Variants in AGPAT4 observed in about 807,000 individuals in gnomAD.
The protein encoded by AGPAT4 is 1-acylglycerol-3-phosphate O-acyltransferase 4, also known as 1-acyl-sn-glycerol-3-phosphate acyltransferase delta.
A neutral mutation model predicts 48.0 loss-of-function variants in AGPAT4; 15 were observed. That is an observed-to-expected ratio of 0.31 (90% CI 0.21 to 0.48). The LOEUF is 0.48. Ranked by LOEUF, AGPAT4 falls within the 20% of genes least tolerant of loss-of-function variation. AGPAT4 has a pLI of 0.99. For synonymous variants in AGPAT4, 178 were observed against 198.7 expected, an observed-to-expected ratio of 0.90 and a Z score of 0.88; for missense variants, 314 against 482.5, an observed-to-expected ratio of 0.65 and a Z score of 3.27.
At chr6:161,191,302 C>T (rs904626874) in intron 2 of AGPAT4, among the ~76,000 whole-genome samples, 2 of 152,228 alleles carry the variant, frequency 1.3e-5, no homozygotes, top group Non-Finnish European at 2.9e-5. Context: ...ATCCCACACT[C>T]TAACCCACTG....
At chr6:161,194,536 ATGTG>A (rs994267021) in intron 2 of AGPAT4, among the ~76,000 whole-genome samples, 4 of 149,472 alleles carry the variant, frequency 2.7e-5, no homozygotes, top group African/African-American at 5.0e-5. Flanking sequence ...CTGTGTGTCT[ATGTG>A]TGTATGTGTA....
At position 161,166,906 on chromosome 6, in the gene AGPAT4, G is replaced by A. The variant is rs1175581820; in HGVS notation, c.179-489C>T. Among the ~76,000 whole-genome samples, 2 of 152,212 alleles carry A rather than the reference G, an allele frequency of 1.3e-5. No homozygotes were observed. Among genetic ancestry groups the A allele is most frequent in the Non-Finnish European group, 2.9e-5 (2 of 68,048 alleles). ...ATGGAGAACGGCAGATCCAGCCGCAGGAGCCCCAGCACCTGCAGGGCAGCG... is the reference window on the plus strand; with the variant it reads ...ATGGAGAACGGCAGATCCAGCCGCAAGAGCCCCAGCACCTGCAGGGCAGCG... On this transcript the variant is annotated intron_variant, in intron 2 of 8. Coordinates refer to ENST00000320285, the MANE Select transcript of AGPAT4 (RefSeq NM_020133.3). The surrounding 1 kb of genome is among the most constrained non-coding windows in gnomAD (Gnocchi z 6.7).
In AGPAT4 at chr6:161,159,590, T is replaced by A. The variant is rs1779862351; in HGVS notation, c.349-5280A>T. Among the ~76,000 whole-genome samples the A allele has an allele frequency of 6.6e-6, 1 of 151,980 alleles. No individual in the cohort carries two copies. The highest frequency in any genetic ancestry group is 2.4e-5 in the African/African-American group (1 of 41,368). On this transcript the variant is annotated intron_variant, in intron 3 of 8. Coordinates refer to ENST00000320285, the MANE Select transcript of AGPAT4 (RefSeq NM_020133.3). The surrounding 1 kb of genome is among the most constrained non-coding windows in gnomAD (Gnocchi z 4.1). ...AAAGACTGGAGCTCAAAATAATGAA[T>A]CAGTTTGTGTGCACGCGTGCGTGTG...
rs148578804 is a variant in AGPAT4, at chr6:161,195,874, G to C, written c.179-29457C>G. Reference sequence around the variant, plus strand: ...GCTGATTGTCTAGCGTTGGCATTAGGGCAAGTCTTGAATGTGAATGTTCTC... The same window carrying C: ...GCTGATTGTCTAGCGTTGGCATTAGCGCAAGTCTTGAATGTGAATGTTCTC... On this transcript the variant is annotated intron_variant, in intron 2 of 8. Coordinates refer to ENST00000320285, the MANE Select transcript of AGPAT4 (RefSeq NM_020133.3). The surrounding 1 kb of genome is among the most constrained non-coding windows in gnomAD (Gnocchi z 5.0). Among the ~76,000 whole-genome samples, 1 of 152,252 alleles carries C rather than the reference G, an allele frequency of 6.6e-6. No homozygotes were observed. Among genetic ancestry groups the C allele is most frequent in the Non-Finnish European group, 1.5e-5 (1 of 68,016 alleles).
chr6:161,225,256 C>G lies in AGPAT4; in HGVS notation c.178+6780G>C, dbSNP rs1442316904. 1.3e-5 allele frequency among the ~76,000 whole-genome samples: 2 copies of G among 152,206 alleles called. No homozygotes were observed. The highest frequency in any genetic ancestry group is 4.8e-5 in the African/African-American group (2 of 41,452). The stretch of plus-strand genomic sequence containing the variant: ...TCCCGCCAAACCACTCACCCCGTCA[C>G]TCTCTTTAAATTAGCCAATCAGAAT... On this transcript the variant is annotated intron_variant, in intron 2 of 8. Transcript: ENST00000320285. The surrounding 1 kb of genome is among the most constrained non-coding windows in gnomAD (Gnocchi z 5.0).
Position 161,198,054 on chromosome 6 carries a change from T to G in AGPAT4, c.179-31637A>C, listed in dbSNP as rs1781119093. Among the ~76,000 whole-genome samples, 1 of 152,236 alleles carries G rather than the reference T, an allele frequency of 6.6e-6. No homozygotes were observed. ...CTCTCATACTTCATTCTTCCCACTC[T>G]TCTTTTGTTTAATATTTTAAAATAT... On this transcript the variant is annotated intron_variant, in intron 2 of 8. Transcript: ENST00000320285. The surrounding 1 kb of genome is among the most constrained non-coding windows in gnomAD (Gnocchi z 4.3).
In AGPAT4 at chr6:161,206,106, C is replaced by A. The variant is rs1781372382; in HGVS notation, c.178+25930G>T. On this transcript the variant is annotated intron_variant, in intron 2 of 8. Coordinates refer to ENST00000320285, the MANE Select transcript of AGPAT4 (RefSeq NM_020133.3). The surrounding 1 kb of genome is among the most constrained non-coding windows in gnomAD (Gnocchi z 4.8). ...AGCCCCAAGAAAAGCCTGCTCCCTC[C>A]AGCTAAAGGATCAGGGAAGTGGCAG... is the stretch of plus-strand genomic sequence containing the variant. Among the ~76,000 whole-genome samples, 1 of 152,118 alleles carries A rather than the reference C, an allele frequency of 6.6e-6. No individual in the cohort carries two copies. Among genetic ancestry groups the A allele is most frequent in the South Asian group, 2.1e-4 (1 of 4,824 alleles).
At chr6:161,153,249 G>A in intron 5 of AGPAT4, 97 bp downstream of exon 5, 1 of 1,460,722 alleles carries the variant, frequency 6.8e-7, no homozygotes, top group Non-Finnish European at 9.2e-7. Context: ...CAAGTCAGCT[G>A]GGAAGTGCTG....
intron 2 of AGPAT4, among the ~76,000 whole-genome samples, chr6:161,185,317 G>GAGGT (rs1780738670): frequency 7.1e-6 from 1 of 141,292 alleles, no homozygotes; most frequent in African/African-American, 2.7e-5. Context: ...CAAAGACAGG[G>GAGGT]TCTCACTCCG....
rs1416328104 is a variant in AGPAT4, at chr6:161,202,310, G to A, written c.178+29726C>T. Among the ~76,000 whole-genome samples, 1 of 152,054 alleles carries A rather than the reference G, an allele frequency of 6.6e-6. No individual in the cohort carries two copies. Among genetic ancestry groups the A allele is most frequent in the Non-Finnish European group, 1.5e-5 (1 of 68,012 alleles). ...AAGGTGGTGCTGGCTATTGGCTGTA[G>A]ATCTCAATTCCTCTTCTCATGGGCC... is the stretch of plus-strand genomic sequence containing the variant. On this transcript the variant is annotated intron_variant, in intron 2 of 8. Transcript: ENST00000320285. This position sits in a 1 kb window ranked among gnomAD's most constrained non-coding sequence, Gnocchi z 5.4.
Position 161,154,357 on chromosome 6 carries a change from G to A in AGPAT4, c.349-47C>T. 1.9e-6 allele frequency: 3 copies of A among 1,609,860 alleles called. No homozygotes were observed. Among genetic ancestry groups the A allele is most frequent in the African/African-American group, 2.7e-5 (2 of 74,802 alleles). ...AGGTGCCCATGAAGGAGACGTCAGAGCCACCTGCCGGGGCTGTTGGAGACT... is the reference window on the plus strand; with the variant it reads ...AGGTGCCCATGAAGGAGACGTCAGAACCACCTGCCGGGGCTGTTGGAGACT... On this transcript the variant is annotated intron_variant, in intron 3 of 8. Coordinates refer to ENST00000320285, the MANE Select transcript of AGPAT4 (RefSeq NM_020133.3). The surrounding 1 kb of genome is among the most constrained non-coding windows in gnomAD (Gnocchi z 7.8).
Position 161,240,221 on chromosome 6 carries a change from TACACACACACACACACAC to T in AGPAT4, c.-89-7937_-89-7920del, listed in dbSNP as rs58550351. On this transcript the variant is annotated intron_variant, in intron 1 of 8. Transcript: ENST00000320285. This position sits in a 1 kb window ranked among gnomAD's most constrained non-coding sequence, Gnocchi z 5.5. ...CACTAACAGCAGATATCTTTGTGTATACACACACACACACACACACACACACACACACACACACACACA... is the reference window on the plus strand; with the variant it reads ...CACTAACAGCAGATATCTTTGTGTATACACACACACACACACACACACACA... Among the ~76,000 whole-genome samples the T allele has an allele frequency of 2.1e-3, 306 of 144,428 alleles. 1 individual carries two copies. The highest frequency in any genetic ancestry group is 7.2e-3 in the African/African-American group (281 of 39,092). 94.8% of individuals were successfully genotyped at this position (144,428 alleles called of 152,430 possible).
At chr6:161,170,462 C>T (rs60716616) in intron 2 of AGPAT4, among the ~76,000 whole-genome samples, 1 of 69,062 alleles carries the variant, frequency 1.4e-5, no homozygotes, top group Non-Finnish European at 2.7e-5. Flanking sequence ...CGCGTGCACA[C>T]GTGCGCGCGC....
rs772837320 is a variant in AGPAT4 at position 161,204,834 on chromosome 6, G to C, written c.178+27202C>G. ...GTGAAGTTATTCCCTTTTCTCCATTGTGCTACTTTGTAATGATTATAGAGT... is the reference window on the plus strand; with the variant it reads ...GTGAAGTTATTCCCTTTTCTCCATTCTGCTACTTTGTAATGATTATAGAGT... On this transcript the variant is annotated intron_variant, in intron 2 of 8. Transcript: ENST00000320285. The surrounding 1 kb of genome is among the most constrained non-coding windows in gnomAD (Gnocchi z 4.4). Among the ~76,000 whole-genome samples, 5 of 152,120 alleles carry C rather than the reference G, an allele frequency of 3.3e-5. No homozygotes were observed. The highest frequency in any genetic ancestry group is 1.3e-4 in the Admixed American group (2 of 15,282).
In AGPAT4 at chr6:161,154,299, G is replaced by C. The variant is rs1161992362; in HGVS notation, c.360C>G (p.Val120=). Residue 120 remains valine (V), a synonymous_variant, in exon 4 of 9, where the codon GTC becomes GTG. Transcript: ENST00000320285. The surrounding 1 kb of genome is among the most constrained non-coding windows in gnomAD (Gnocchi z 7.8). ...CATAGGCCAGCTCTTTCTTGGCCAGGACCTTGGAGCCCTGAAACAGAAGAA... is the reference window on the plus strand; with the variant it reads ...CATAGGCCAGCTCTTTCTTGGCCAGCACCTTGGAGCCCTGAAACAGAAGAA... ...ERFGLLGGSK[V]LAKKELAYVP... is the part of the protein sequence containing the mutation. 14 of 1,614,144 alleles carry C rather than the reference G, an allele frequency of 8.7e-6. No individual in the cohort carries two copies. The highest frequency in any genetic ancestry group is 1.2e-5 in the Non-Finnish European group (14 of 1,180,034).
At position 161,251,134 on chromosome 6, in the gene AGPAT4, A is replaced by C. The variant is rs564862663; in HGVS notation, c.-89-18832T>G. On this transcript the variant is annotated intron_variant, in intron 1 of 8. Coordinates refer to ENST00000320285, the MANE Select transcript of AGPAT4 (RefSeq NM_020133.3). This position sits in a 1 kb window ranked among gnomAD's most constrained non-coding sequence, Gnocchi z 4.6. ...ACGCTTATTTCTTATCCTGCAGAAA[A>C]CTGATAAATGTTCACTCATTTTATC... Among the ~76,000 whole-genome samples the C allele has an allele frequency of 6.6e-6, 1 of 152,320 alleles. No individual in the cohort carries two copies. The highest frequency in any genetic ancestry group is 1.9e-4 in the East Asian group (1 of 5,182).
rs533691451 is a variant in AGPAT4, at chr6:161,272,581, T to C, written c.-90+1357A>G. Among the ~76,000 whole-genome samples the C allele has an allele frequency of 6.6e-6, 1 of 152,224 alleles. No individual in the cohort carries two copies. Among genetic ancestry groups the C allele is most frequent in the East Asian group, 1.9e-4 (1 of 5,180 alleles). On this transcript the variant is annotated intron_variant, in intron 1 of 8. Coordinates refer to ENST00000320285, the MANE Select transcript of AGPAT4 (RefSeq NM_020133.3). The surrounding 1 kb of genome is among the most constrained non-coding windows in gnomAD (Gnocchi z 4.2). ...CTTATTACTAAGTAGATAATAATTT[T>C]CTCATTTCATATTTTTTCTGAATAA...
rs1781545110 is a variant in AGPAT4 at position 161,212,419 on chromosome 6, C to A, written c.178+19617G>T. ...GCCAAAATCAAATTATAAATTATGT[C>A]TTTTTCTTACCTAATTAATCCTTTA... On this transcript the variant is annotated intron_variant, in intron 2 of 8. Transcript: ENST00000320285. This position sits in a 1 kb window ranked among gnomAD's most constrained non-coding sequence, Gnocchi z 6.1. Among the ~76,000 whole-genome samples the A allele has an allele frequency of 6.6e-6, 1 of 152,066 alleles. No homozygotes were observed. The highest frequency in any genetic ancestry group is 1.5e-5 in the Non-Finnish European group (1 of 67,990).
chr6:161,253,958 C>A (rs542449449), intron 1 of AGPAT4, among the ~76,000 whole-genome samples: 1 of 152,212 alleles, frequency 6.6e-6, no homozygotes, highest in African/African-American at 2.4e-5. Context: ...GGACTTGGAA[C>A]TGCTGCCTCA....
Sources: allele counts gnomAD v4.1 joint callset (sites outside exome capture counted in the v4.1 genomes callset), GRCh38; gene constraint gnomAD v4.1.1; non-coding constraint Gnocchi (gnomAD v3.1); transcripts MANE v1.5; gene names NCBI Gene and HGNC (gene_info 2026-07-23, HGNC 2026-07-21).